Variants in GPC6 observed in about 807,000 individuals in gnomAD.
GPC6 encodes the protein glypican-6.
A neutral mutation model predicts 55.2 loss-of-function variants in GPC6; 14 were observed. The ratio of observed to expected loss-of-function variants is 0.25; its 90% CI spans 0.17 to 0.40. The LOEUF (loss-of-function observed/expected upper bound fraction) is 0.40, where lower values mean the gene tolerates loss of function less well. Among genes scored for constraint, GPC6 ranks in the 10% least tolerant of loss-of-function variants. The pLI, the probability that GPC6 is intolerant of heterozygous loss-of-function variation, is 1.00. For missense variants in GPC6, 641 were observed against 708.5 expected (o/e 0.90, Z 1.08); for synonymous variants, 278 against 259.6 (o/e 1.07, Z -0.68).
At chr13:93,743,521 A>G (rs1237852167) in intron 2 of GPC6, among the ~76,000 whole-genome samples, 1 of 151,856 alleles carries the variant, frequency 6.6e-6, no homozygotes. Context: ...CTTACAGTCT[A>G]TTTCCTTGTT....
chr13:93,465,775 G>T (rs1343683801), intron 1 of GPC6, among the ~76,000 whole-genome samples: 7 of 152,176 alleles, frequency 4.6e-5, no homozygotes, highest in Non-Finnish European at 1.0e-4. Context: ...TGGCACAAGA[G>T]GCCTAGCCTT....
At chr13:93,754,599 A>C (rs1282787667) in intron 2 of GPC6, among the ~76,000 whole-genome samples, 2 of 152,056 alleles carry the variant, frequency 1.3e-5, no homozygotes, top group Non-Finnish European at 2.9e-5. Flanking sequence ...TTTCCCCTAC[A>C]CTTAGAATCA....
At chr13:93,616,844 T>G (rs1222258366) in intron 2 of GPC6, among the ~76,000 whole-genome samples, 2 of 152,100 alleles carry the variant, frequency 1.3e-5, no homozygotes, top group African/African-American at 4.8e-5. Flanking sequence ...TTTTTTGAAT[T>G]ATAAGTAATG....
chr13:93,547,462 C>T (rs1213242860), intron 2 of GPC6, among the ~76,000 whole-genome samples: 1 of 152,160 alleles, frequency 6.6e-6, no homozygotes. Flanking sequence ...AATCCCACAT[C>T]TGGTTTGTCT....
chr13:93,993,157 A>G (rs776536501), intron 3 of GPC6, among the ~76,000 whole-genome samples: 4 of 152,184 alleles, frequency 2.6e-5, no homozygotes, highest in Non-Finnish European at 5.9e-5. Context: ...CACCTGCATT[A>G]TGGCAAAGGA....
chr13:94,027,755 T>C lies in GPC6; in HGVS notation c.738T>C (p.Arg246=), dbSNP rs1566306704. 1.2e-6 allele frequency: 2 copies of C among 1,614,130 alleles called. No individual in the cohort carries two copies. Among genetic ancestry groups the C allele is most frequent in the Non-Finnish European group, 1.7e-6 (2 of 1,180,008 alleles). ...TCAGCCCAACCCCAGGGTGTATCCG[T>C]GCCCTCATGAAGATGCTGTACTGCC... ...SKVSPTPGCI[R]ALMKMLYCPY... Residue 246 remains arginine, a synonymous_variant, in exon 4 of 9, where the codon CGT becomes CGC. Coordinates refer to ENST00000377047, the MANE Select transcript of GPC6 (RefSeq NM_005708.5).
At chr13:93,308,949 G>T (rs1266572280) in intron 1 of GPC6, among the ~76,000 whole-genome samples, 2 of 152,160 alleles carry the variant, frequency 1.3e-5, no homozygotes, top group Non-Finnish European at 2.9e-5. Flanking sequence ...CTGTTTGAGA[G>T]AATGCTGGTT....
At position 93,227,411 on chromosome 13, in the gene GPC6, G is replaced by A; in HGVS notation, c.-46G>A. 2 of 1,603,748 alleles carry A rather than the reference G, an allele frequency of 1.2e-6. No homozygotes were observed. Among genetic ancestry groups the A allele is most frequent in the Non-Finnish European group, 1.7e-6 (2 of 1,171,832 alleles). ...TTCGGCTTGAGGGGCAAGGTGAAGAGCGCACCGGCCGTGGGGTTTACCGAG... is the reference window on the plus strand; with the variant it reads ...TTCGGCTTGAGGGGCAAGGTGAAGAACGCACCGGCCGTGGGGTTTACCGAG... On this transcript the variant is annotated 5_prime_UTR_variant, in exon 1 of 9. Coordinates refer to ENST00000377047, the MANE Select transcript of GPC6 (RefSeq NM_005708.5). The surrounding 1 kb of genome is among the most constrained non-coding windows in gnomAD (Gnocchi z 4.3).
chr13:94,104,107 G>A (rs1483460371), intron 4 of GPC6, among the ~76,000 whole-genome samples: 1 of 152,160 alleles, frequency 6.6e-6, no homozygotes, highest in East Asian at 1.9e-4. Context: ...CATATGGCTA[G>A]CCAGTTTTCC....
intron 3 of GPC6, among the ~76,000 whole-genome samples, chr13:93,990,988 G>A (rs9301922): frequency 1.3e-4 from 20 of 150,726 alleles, no homozygotes; most frequent in African/African-American, 4.9e-4. Context: ...AAGGAAGGAA[G>A]TTAGTTCTCA....
At chr13:94,100,542 T>C (rs1885819360) in intron 4 of GPC6, among the ~76,000 whole-genome samples, 2 of 152,198 alleles carry the variant, frequency 1.3e-5, no homozygotes, top group East Asian at 1.9e-4. Context: ...CTCCCAGTCC[T>C]AGAACCTTGC....
intron 7 of GPC6, among the ~76,000 whole-genome samples, chr13:94,393,712 C>G (rs971338937): frequency 3.3e-5 from 5 of 152,076 alleles, no homozygotes; most frequent in East Asian, 1.9e-4. Flanking sequence ...CCACCAAGCA[C>G]CACCAGGCTA....
the GPC6 span, among the ~76,000 whole-genome samples, chr13:93,216,753 A>C: frequency 6.6e-6 from 1 of 152,210 alleles, no homozygotes; most frequent in Non-Finnish European, 1.5e-5. Flanking sequence ...CTGGGAAGGC[A>C]GGTATGTCTG....
In GPC6 at chr13:94,161,344, T is replaced by A. The variant is rs16949523; in HGVS notation, c.878-125005T>A. Among the ~76,000 whole-genome samples the A allele has an allele frequency of 8.2e-3, 1,252 of 152,190 alleles. 18 individuals are homozygous for A. Among genetic ancestry groups the A allele is most frequent in the Non-Finnish European group, 0.011 (759 of 68,006 alleles). ...TCCCTTTAGGCTTTCAGTTTATTTC[T>A]GATCTTTGTGTTTTCAATCACTGAC... On this transcript the variant is annotated intron_variant, in intron 4 of 8. Coordinates refer to ENST00000377047, the MANE Select transcript of GPC6 (RefSeq NM_005708.5).
chr13:93,925,760 G>A (rs1877826491), intron 3 of GPC6, among the ~76,000 whole-genome samples: 1 of 152,186 alleles, frequency 6.6e-6, no homozygotes, highest in Admixed American at 6.5e-5. Flanking sequence ...CTCAGCCAGG[G>A]TGGCTTGAAT....
intron 2 of GPC6, among the ~76,000 whole-genome samples, chr13:93,674,912 G>T (rs1233888887): frequency 6.6e-6 from 1 of 152,160 alleles, no homozygotes; most frequent in African/African-American, 2.4e-5. Flanking sequence ...TTATACCTGG[G>T]TATGGGTGTT....
intron 1 of GPC6, among the ~76,000 whole-genome samples, chr13:93,526,096 C>T (rs958786420): frequency 6.6e-6 from 1 of 152,046 alleles, no homozygotes; most frequent in African/African-American, 2.4e-5. Flanking sequence ...GCATCCAGCA[C>T]AACTTTTAAA....
At chr13:94,042,068 A>T (rs974313566) in intron 4 of GPC6, among the ~76,000 whole-genome samples, 3 of 151,812 alleles carry the variant, frequency 2.0e-5, no homozygotes, top group Admixed American at 2.0e-4. Flanking sequence ...ATGGTTTAAC[A>T]CCATCACCGT....
At chr13:93,712,145 C>T (rs1330928945) in intron 2 of GPC6, among the ~76,000 whole-genome samples, 2 of 151,706 alleles carry the variant, frequency 1.3e-5, no homozygotes, top group Non-Finnish European at 3.0e-5. Flanking sequence ...AGGAGTAGTC[C>T]GCTCTATCAT....
Sources: allele counts gnomAD v4.1 joint callset (sites outside exome capture counted in the v4.1 genomes callset), GRCh38; gene constraint gnomAD v4.1.1; non-coding constraint Gnocchi (gnomAD v3.1); transcripts MANE v1.5; gene names NCBI Gene and HGNC (gene_info 2026-07-23, HGNC 2026-07-21).